RNF213: variants seen among roughly 807,000 people sequenced by gnomAD.
RNF213 encodes ring finger protein 213.
In RNF213, 341 loss-of-function variants were observed where a neutral mutation model predicts 514.4. The observed-to-expected ratio is 0.66, with a 90% CI of 0.61 to 0.73. The LOEUF is 0.73. Ranked by LOEUF, RNF213 falls within the 30% of genes least tolerant of loss-of-function variation. The pLI is 0.00. For missense variants in RNF213, 5,767 were observed against 6,615.6 expected, an observed-to-expected ratio of 0.87 and a Z score of 4.45; for synonymous variants, 2,655 against 2,658.2, an observed-to-expected ratio of 1.00 and a Z score of 0.04.
At position 80,347,680 on chromosome 17, in the gene RNF213, A is replaced by C. The variant is rs780112353; in HGVS notation, c.9345A>C (p.Ala3115=). The C allele has an allele frequency of 1.7e-5, 28 of 1,613,916 alleles. No homozygotes were observed. The highest frequency in any genetic ancestry group is 1.6e-4 in the Middle Eastern group (1 of 6,062). ...ACCTCTACGAGAGCCTCTACGACGC[A>C]CTCAACCAGTACTACGTCCACCTCG... is the stretch of plus-strand genomic sequence containing the variant. The part of the protein sequence containing the change: ...LQNLYESLYD[A]LNQYYVHLGG... Residue 3115 remains alanine, a synonymous_variant, in exon 29 of 68, where the codon GCA becomes GCC. Transcript: ENST00000582970. The surrounding 1 kb of genome is among the most constrained non-coding windows in gnomAD (Gnocchi z 7.2).
In RNF213 at chr17:80,363,635, C is replaced by G. The variant is rs1429152185; in HGVS notation, c.11595C>G (p.Ala3865=). 1.4e-5 allele frequency: 22 copies of G among 1,614,028 alleles called. No homozygotes were observed. The highest frequency in any genetic ancestry group is 1.8e-5 in the Non-Finnish European group (21 of 1,180,042). ...EMTLDAFAAM[A]CTEMLTRNTL... is the part of the protein sequence containing the mutation. ...CCCTGGACGCATTTGCCGCAATGGC[C>G]TGCACGGAGATGCTGACAAGAAACA... Residue 3865 remains alanine (A), a synonymous_variant, in exon 41 of 68, where the codon GCC becomes GCG. Transcript: ENST00000582970.
At position 80,346,221 on chromosome 17, in the gene RNF213, CAG is replaced by C; in HGVS notation, c.7888_7889del (p.Glu2630ArgfsTer2). The C allele has an allele frequency of 4.3e-6, 7 of 1,614,166 alleles. No homozygotes were observed. The highest frequency in any genetic ancestry group is 5.1e-6 in the Non-Finnish European group (6 of 1,180,040). On this transcript the variant is annotated frameshift_variant, in exon 29 of 68. Transcript: ENST00000582970. LOFTEE classifies it high-confidence loss of function. The surrounding 1 kb of genome is among the most constrained non-coding windows in gnomAD (Gnocchi z 8.1). ...GCCTCTCAGGGTTTCATGAGGAAAA[CAG>C]AAGATGAGTGCAGCTTTGTCAGCCT...
At chr17:80,348,618 A>G (rs1357430574) in intron 29 of RNF213, among the ~76,000 whole-genome samples, 1 of 152,280 alleles carries the variant, frequency 6.6e-6, no homozygotes, top group Non-Finnish European at 1.5e-5. Flanking sequence ...ATTAGGGAGC[A>G]TGGAGAGACC....
intron 55 of RNF213, 28 bp downstream of exon 55, chr17:80,379,742 A>C: frequency 1.3e-6 from 2 of 1,599,350 alleles, no homozygotes; most frequent in Non-Finnish European, 1.7e-6. Context: ...CTATTTCCTA[A>C]GTACTCAAAC....
chr17:80,390,749 T>C (rs1023443720), intron 67 of RNF213, among the ~76,000 whole-genome samples: 19 of 152,016 alleles, frequency 1.2e-4, no homozygotes, highest in African/African-American at 4.6e-4. Flanking sequence ...CAAAGAGAGG[T>C]ACATTTTAAA....
In RNF213 at chr17:80,354,204, G is replaced by T. The variant is rs374873588; in HGVS notation, c.10726+38G>T. 3.1e-6 allele frequency: 5 copies of T among 1,607,904 alleles called. No individual in the cohort carries two copies. The East Asian group carries it at 1.1e-4, about 36-fold the overall frequency. ...CCACCCCTCTTGCCCCTGCCCCCACGTGGGCTCTTCCTGAGGAGTGGGCAT... is the reference window on the plus strand; with the variant it reads ...CCACCCCTCTTGCCCCTGCCCCCACTTGGGCTCTTCCTGAGGAGTGGGCAT... On this transcript the variant is annotated intron_variant, in intron 35 of 67. Coordinates refer to ENST00000582970, the MANE Select transcript of RNF213 (RefSeq NM_001256071.3).
Position 80,386,856 on chromosome 17 carries a change from C to A in RNF213, c.14887C>A (p.Arg4963Ser). The change falls in exon 63 of 68, where the codon CGC becomes AGC. Residue 4963 changes from arginine to serine, a missense_variant. By Grantham distance (110) the Arg-to-Ser change is moderately radical (BLOSUM62 -1). Coordinates refer to ENST00000582970, the MANE Select transcript of RNF213 (RefSeq NM_001256071.3). ...GAAGATTCAGCGGCAGATCGTCAGCCGCTTCCTCCAGGGCAAGCCCCGGCT... is the reference window on the plus strand; with the variant it reads ...GAAGATTCAGCGGCAGATCGTCAGCAGCTTCCTCCAGGGCAAGCCCCGGCT... The part of the protein sequence containing the change: ...LEKIQRQIVS[R>S]FLQGKPRLSL... 6.2e-7 allele frequency: 1 copy of A among 1,613,878 alleles called. No individual in the cohort carries two copies. The highest frequency in any genetic ancestry group is 8.5e-7 in the Non-Finnish European group (1 of 1,180,018).
chr17:80,290,446 T>C, intron 6 of RNF213, 124 bp from the exon 7 acceptor site: 2 of 1,145,642 alleles, frequency 1.7e-6, no homozygotes, highest in East Asian at 2.4e-5. Context: ...TGTGCATGTG[T>C]GTGTGCGAGT....
intron 42 of RNF213, among the ~76,000 whole-genome samples, chr17:80,366,138 C>T (rs371941801): frequency 6.6e-6 from 1 of 152,252 alleles, no homozygotes; most frequent in Non-Finnish European, 1.5e-5. Flanking sequence ...TGGGGGAAAG[C>T]CCTGCCTTCC....
At chr17:80,298,243 C>T (rs2045034569) in intron 10 of RNF213, 78 bp from the exon 11 acceptor site, 2 of 1,470,202 alleles carry the variant, frequency 1.4e-6, no homozygotes, top group Admixed American at 3.7e-5. Flanking sequence ...GTGCTTGCTT[C>T]CTGTTGGGAC....
chr17:80,327,478 C>CAA (rs941105944), intron 18 of RNF213, among the ~76,000 whole-genome samples: 3 of 73,394 alleles, frequency 4.1e-5, no homozygotes, highest in Non-Finnish European at 3.0e-5. Context: ...GAGACCCTGT[C>CAA]AAAAAAAAAA....
chr17:80,261,690 G>T (rs1052186013), intron 1 of RNF213, among the ~76,000 whole-genome samples: 1 of 152,226 alleles, frequency 6.6e-6, no homozygotes, highest in Non-Finnish European at 1.5e-5. Context: ...GCTCTCTCTT[G>T]TGTCTTCCGG....
chr17:80,261,725 G>A (rs1021170539), intron 1 of RNF213, among the ~76,000 whole-genome samples: 47 of 152,344 alleles, frequency 3.1e-4, no homozygotes, highest in African/African-American at 1.1e-3. Flanking sequence ...GGAACAATAA[G>A]ATGCTTTAGG....
chr17:80,293,175 G>GC (rs1270659895), intron 8 of RNF213, among the ~76,000 whole-genome samples: 1 of 151,720 alleles, frequency 6.6e-6, no homozygotes, highest in African/African-American at 2.4e-5. Context: ...CTCCCCCTCA[G>GC]CCCCCCCAAG....
chr17:80,381,516 C>T (rs574774664), intron 56 of RNF213, 31 bp from the exon 57 acceptor site: 11 of 1,612,322 alleles, frequency 6.8e-6, no homozygotes, highest in South Asian at 5.5e-5. Flanking sequence ...ACCAGATCCC[C>T]GCTGAACACT....
intron 36 of RNF213, chr17:80,355,057 T>C (rs1462184226): frequency 2.7e-6 from 1 of 371,894 alleles, no homozygotes; most frequent in Non-Finnish European, 5.3e-6. Flanking sequence ...CTTGATTATC[T>C]TGGATGTGGC....
Position 80,393,744 on chromosome 17 carries a change from GA to G in RNF213, c.*247del, listed in dbSNP as rs2144688740. The G allele has an allele frequency of 2.1e-6, 1 of 485,738 alleles. No homozygotes were observed. Among genetic ancestry groups the G allele is most frequent in the Admixed American group, 3.3e-5 (1 of 30,064 alleles). The allele number at this position is 485,738 out of a possible 1,614,324, so 30.1% of individuals were successfully genotyped here. ...ATTTTATGAGTACTGTTCATTGAGA[GA>G]TGACAATGAAGATTAGATGAAATTG... On this transcript the variant is annotated 3_prime_UTR_variant, in exon 68 of 68. Transcript: ENST00000582970.
chr17:80,334,459 C>T (rs2077925955), intron 22 of RNF213, 189 bp downstream of exon 22: 1 of 544,042 alleles, frequency 1.8e-6, no homozygotes, highest in Non-Finnish European at 3.1e-6. Flanking sequence ...ACAGTATTTC[C>T]CATGTGCTGC....
At chr17:80,305,648 G>A (rs1333021335) in intron 11 of RNF213, among the ~76,000 whole-genome samples, 1 of 145,240 alleles carries the variant, frequency 6.9e-6, no homozygotes, top group African/African-American at 2.6e-5. Flanking sequence ...GTCTCACTCT[G>A]TTGCCCAGGC....
Sources: allele counts gnomAD v4.1 joint callset (sites outside exome capture counted in the v4.1 genomes callset), GRCh38; gene constraint gnomAD v4.1.1; non-coding constraint Gnocchi (gnomAD v3.1); transcripts MANE v1.5; gene names NCBI Gene and HGNC (gene_info 2026-07-23, HGNC 2026-07-21).